The following ENO1 variants were observed in gnomAD, a reference collection of about 807,000 sequenced individuals.
ENO1 encodes enolase 1.
ENO1 carries 33 observed loss-of-function variants against 46.3 expected under a neutral mutation model. The observed-to-expected ratio is 0.71, with a 90% CI of 0.54 to 0.95. The LOEUF is 0.95. ENO1 is among the 40% of genes least tolerant of loss of function. The pLI is 0.00. For missense variants in ENO1, 488 were observed against 553.3 expected (o/e 0.88, Z 1.18); for synonymous variants, 220 against 216.0 (o/e 1.02, Z -0.16).
intron 1 of ENO1, 62 bp downstream of exon 1, chr1:8,878,518 C>T (rs1412951502): frequency 2.3e-6 from 1 of 432,972 alleles, no homozygotes; most frequent in Non-Finnish European, 4.7e-6. Context: ...GGAAAAGAGC[C>T]CCACAAGCCC....
At chr1:8,868,935 C>T (rs1437748233) in intron 4 of ENO1, among the ~76,000 whole-genome samples, 2 of 152,160 alleles carry the variant, frequency 1.3e-5, no homozygotes, top group Non-Finnish European at 1.5e-5. Context: ...CCTCAGCCTC[C>T]TAAAGTCCTC....
intron 3 of ENO1, chr1:8,871,201 G>A (rs1642625522): frequency 9.4e-7 from 1 of 1,060,268 alleles, no homozygotes. Flanking sequence ...CACCAGCCCA[G>A]TGTTTCACAA....
At chr1:8,872,366 G>T (rs914017987) in intron 2 of ENO1, among the ~76,000 whole-genome samples, 8 of 150,220 alleles carry the variant, frequency 5.3e-5, no homozygotes, top group African/African-American at 2.0e-4. Context: ...AGCCACACAG[G>T]GCATTGAAGA....
chr1:8,870,147 C>T (rs1642600123), intron 4 of ENO1: 1 of 407,760 alleles, frequency 2.5e-6, no homozygotes, highest in African/African-American at 2.0e-5. Context: ...ACAAACACCC[C>T]TGAGAGCCAC....
chr1:8,863,505 A>C (rs28999096), intron 9 of ENO1, among the ~76,000 whole-genome samples, 162 bp from the exon 10 acceptor site: 304 of 151,924 alleles, frequency 2.0e-3, no homozygotes, highest in African/African-American at 7.0e-3. Flanking sequence ...GAGAACCCTC[A>C]CCCTCCCCTG....
chr1:8,871,531 G>C (rs1557585421), intron 3 of ENO1: 4 of 1,047,638 alleles, frequency 3.8e-6, no homozygotes, highest in Admixed American at 5.0e-5. Context: ...GATCTCTGGA[G>C]GGCCCACAGA....
intron 6 of ENO1, 54 bp from the exon 7 acceptor site, chr1:8,866,555 G>A (rs1642523865): frequency 6.3e-7 from 1 of 1,583,936 alleles, no homozygotes; most frequent in Non-Finnish European, 8.7e-7. Flanking sequence ...GCCCCACAGG[G>A]CAGTAAGCCC....
At chr1:8,871,533 GC>G (rs1348990131) in intron 3 of ENO1, 4 of 1,048,810 alleles carry the variant, frequency 3.8e-6, no homozygotes, top group Non-Finnish European at 3.5e-6. Context: ...TCTCTGGAGG[GC>G]CCACAGAACC....
At chr1:8,869,899 C>A (rs1421105618) in intron 4 of ENO1, among the ~76,000 whole-genome samples, 1 of 152,174 alleles carries the variant, frequency 6.6e-6, no homozygotes, top group Non-Finnish European at 1.5e-5. Flanking sequence ...CCAGTCCCAT[C>A]TGATGAGCGC....
intron 4 of ENO1, among the ~76,000 whole-genome samples, chr1:8,868,278 C>T (rs1642564955): frequency 6.6e-6 from 1 of 152,068 alleles, no homozygotes; most frequent in Non-Finnish European, 1.5e-5. Flanking sequence ...AACAATGCAA[C>T]AGAGATGGCA....
At chr1:8,862,548 A>G (rs898966399) in intron 11 of ENO1, among the ~76,000 whole-genome samples, 6 of 152,222 alleles carry the variant, frequency 3.9e-5, no homozygotes, top group African/African-American at 1.4e-4. Context: ...AACAGGGGTT[A>G]AATGCGCTGA....
rs765921253 is a variant in ENO1, at chr1:8,868,333, G to A, written c.241-276C>T. Among the ~76,000 whole-genome samples, 19 of 152,064 alleles carry A rather than the reference G, an allele frequency of 1.2e-4. 1 individual carries two copies. Among genetic ancestry groups the A allele is most frequent in the Admixed American group, 3.9e-4 (6 of 15,258 alleles). On this transcript the variant is annotated intron_variant, in intron 4 of 11. Transcript: ENST00000234590. ...TAACAAAAGGTTAATAGTCTACCCA[G>A]GGAGCCCAAAGTGACTTTACACCCA...
intron 4 of ENO1, among the ~76,000 whole-genome samples, chr1:8,868,675 ACT>A (rs1203084308): frequency 6.6e-6 from 1 of 152,132 alleles, no homozygotes; most frequent in Non-Finnish European, 1.5e-5. Flanking sequence ...AATCAGTATT[ACT>A]TTTTAATTTT....
rs138820314 is a variant in ENO1, at chr1:8,865,426, T to C, written c.724A>G (p.Ile242Val). The C allele has an allele frequency of 1.5e-4, 243 of 1,613,970 alleles. 1 individual carries two copies. In the African/African-American group the frequency reaches 2.8e-3, roughly 19 times the overall value. ...TCGGAGGCCGCTACGTCCATGCCGA[T>C]GACCACCTTATCAGTGTAGCCAGCT... ...GKAGYTDKVV[I>V]GMDVAASEFF... The change falls in exon 8 of 12, where the codon ATC (isoleucine) becomes GTC (valine). Residue 242 changes from isoleucine (I) to valine (V), a missense_variant. By Grantham distance (29) the Ile-to-Val change is conservative. Transcript: ENST00000234590.
intron 3 of ENO1, chr1:8,870,753 G>T: frequency 7.0e-7 from 1 of 1,420,600 alleles, no homozygotes; most frequent in South Asian, 1.5e-5. Flanking sequence ...AGAACGATCT[G>T]ACTGGAGGTT....
Position 8,864,033 on chromosome 1 carries a change from C to T in ENO1, c.925G>A (p.Ala309Thr). The T allele has an allele frequency of 6.2e-7, 1 of 1,614,190 alleles. No individual in the cohort carries two copies. Among genetic ancestry groups the T allele is most frequent in the South Asian group, 1.1e-5 (1 of 91,082 alleles). Reference protein sequence around the residue: ...DDWGAWQKFTASAGIQVVGDD... With the variant: ...DDWGAWQKFTTSAGIQVVGDD... ...CCCACTACCTGGATTCCTGCACTGG[C>T]TGTGAACTTCTGCCAAGCTCCCCAG... Residue 309 changes from alanine to threonine, a missense_variant, in exon 9 of 12, where the codon GCC becomes ACC. Transcript: ENST00000234590.
Position 8,863,044 on chromosome 1 carries a change from T to G in ENO1, c.1177-99A>C, listed in dbSNP as rs189503598. The G allele has an allele frequency of 1.6e-4, 244 of 1,491,302 alleles. No individual in the cohort carries two copies. In the African/African-American group the frequency reaches 3.1e-3, roughly 19 times the overall value. The allele number at this position is 1,491,302 out of a possible 1,614,324, so 92.4% of individuals were successfully genotyped here. ...TGTCAGAGAGAGAATTTCTAGAGGA[T>G]CTGATGCTAGGAAAGTGGGGGCCAC... On this transcript the variant is annotated intron_variant, in intron 10 of 11. Transcript: ENST00000234590.
At position 8,861,975 on chromosome 1, in the gene ENO1, G is replaced by A. The variant is rs762357036; in HGVS notation, c.1236-546C>T. Among the ~76,000 whole-genome samples the A allele has an allele frequency of 6.6e-5, 10 of 150,762 alleles. No individual in the cohort carries two copies. In the East Asian group the frequency reaches 1.2e-3, roughly 18 times the overall value. ...AGCTTGACCAATATGGTGAAACCCC[G>A]TCTCTATTAAAAATACAAAACAATT... On this transcript the variant is annotated intron_variant, in intron 11 of 11. Coordinates refer to ENST00000234590, the MANE Select transcript of ENO1 (RefSeq NM_001428.5).
Position 8,861,380 on chromosome 1 carries a change from TGA to T in ENO1, c.1283_1284del (p.Phe428Ter). ...GSKAKFAGRNFRNPLAK is the reference protein window; with the variant it reads ...GSKAKFAGRNXRNPLAK ...ACAGCTTACTTGGCCAAGGGGTTTC[TGA>T]AGTTCCTGCCGGCAAACTTAGCCTT... On this transcript the variant is annotated frameshift_variant, in exon 12 of 12. Coordinates refer to ENST00000234590, the MANE Select transcript of ENO1 (RefSeq NM_001428.5). LOFTEE classifies it high-confidence loss of function. 1.9e-6 allele frequency: 3 copies of T among 1,614,064 alleles called. No individual in the cohort carries two copies. Among genetic ancestry groups the T allele is most frequent in the Non-Finnish European group, 2.5e-6 (3 of 1,180,024 alleles).
Sources: gnomAD v4.1 joint callset for allele counts (sites outside exome capture counted in the v4.1 genomes callset) on GRCh38, gnomAD v4.1.1 for gene constraint, MANE v1.5 for transcripts, NCBI Gene and HGNC (gene_info 2026-07-23, HGNC 2026-07-21) for gene names.